Variants in PDE3B observed in about 807,000 individuals in gnomAD.
PDE3B encodes phosphodiesterase 3B.
A neutral mutation model predicts 116.8 loss-of-function variants in PDE3B; 66 were observed. That is an observed-to-expected ratio of 0.56 (90% confidence interval 0.46 to 0.69). The LOEUF is 0.69. PDE3B is among the 30% of genes least tolerant of loss of function. The pLI is 0.00. For missense variants in PDE3B, 1,384 were observed against 1,368.1 expected (o/e 1.01, Z -0.18); for synonymous variants, 595 against 533.6 (o/e 1.12, Z -1.59).
intron 1 of PDE3B, among the ~76,000 whole-genome samples, chr11:14,701,640 A>G (rs920719376): frequency 2.0e-5 from 3 of 151,690 alleles, no homozygotes; most frequent in African/African-American, 4.8e-5. Flanking sequence ...CAGTTTTCTT[A>G]TGATAATTGA....
chr11:14,822,003 C>T (rs1859528291), intron 7 of PDE3B, among the ~76,000 whole-genome samples: 1 of 151,420 alleles, frequency 6.6e-6, no homozygotes, highest in Non-Finnish European at 1.5e-5. Context: ...AACTCCTGGG[C>T]TCAAGCAATC....
At chr11:14,723,924 C>T (rs934056299) in intron 1 of PDE3B, among the ~76,000 whole-genome samples, 1 of 152,166 alleles carries the variant, frequency 6.6e-6, no homozygotes, top group Non-Finnish European at 1.5e-5. Context: ...CTAGCAAGGC[C>T]TTGGAAGGTG....
the PDE3B span, among the ~76,000 whole-genome samples, chr11:14,893,108 G>A: frequency 1.1e-4 from 16 of 152,230 alleles, no homozygotes; most frequent in Non-Finnish European, 1.9e-4. Context: ...ATTAGCTTAC[G>A]ACTCATTCAC....
intron 1 of PDE3B, among the ~76,000 whole-genome samples, chr11:14,690,168 G>A (rs777978950): frequency 2.0e-5 from 3 of 152,150 alleles, no homozygotes; most frequent in Admixed American, 6.5e-5. Flanking sequence ...TTAGAAGTAC[G>A]TGGTAGGATA....
At chr11:14,890,120 C>G in the PDE3B span, among the ~76,000 whole-genome samples, 210 of 152,076 alleles carry the variant, frequency 1.4e-3, no homozygotes, top group Non-Finnish European at 2.4e-3. Context: ...CAGAGCAAGA[C>G]TCGTCTCAAA....
intron 11 of PDE3B, among the ~76,000 whole-genome samples, chr11:14,837,658 T>C (rs1273818460): frequency 6.6e-6 from 1 of 152,238 alleles, no homozygotes; most frequent in African/African-American, 2.4e-5. Flanking sequence ...TAAGACAATA[T>C]ATGTTTTCTC....
At chr11:14,806,715 C>T (rs10832303) in intron 5 of PDE3B, among the ~76,000 whole-genome samples, 53,129 of 149,880 alleles carry the variant, frequency 0.35, 10,759 homozygotes, top group South Asian at 0.46. Context: ...AAAAATTAGC[C>T]GGGCGTAGTG....
rs137868823 is a variant in PDE3B, at chr11:14,687,290, G to A, written c.978+42237G>A. 2.9e-3 allele frequency among the ~76,000 whole-genome samples: 447 copies of A among 152,164 alleles called. 4 individuals are homozygous for A. The highest frequency in any genetic ancestry group is 1.0e-2 in the African/African-American group (414 of 41,528). On this transcript the variant is annotated intron_variant, in intron 1 of 15. Transcript: ENST00000282096. ...AAAGGCAGAAAAATTATTAAATTGT[G>A]ACTTCCTAAATGTCTACTTAAAAAC...
At chr11:14,771,576 A>G (rs1311668752) in intron 1 of PDE3B, among the ~76,000 whole-genome samples, 1 of 151,852 alleles carries the variant, frequency 6.6e-6, no homozygotes, top group African/African-American at 2.4e-5. Flanking sequence ...CCCATCACCC[A>G]TGATGAGCCT....
chr11:14,898,090 TC>T, the PDE3B span, among the ~76,000 whole-genome samples: 1,914 of 152,024 alleles, frequency 0.013, 42 homozygotes, highest in African/African-American at 0.044. Context: ...GGATAGTCTC[TC>T]CCATCAAGAC....
intron 1 of PDE3B, among the ~76,000 whole-genome samples, chr11:14,760,926 A>G (rs1239539479): frequency 6.6e-6 from 1 of 152,164 alleles, no homozygotes; most frequent in Non-Finnish European, 1.5e-5. Flanking sequence ...TGGGAACATT[A>G]CAGTTCTTCT....
In PDE3B at chr11:14,644,267, C is replaced by T. The variant is rs1271640483; in HGVS notation, c.192C>T (p.Ala64=). The change falls in exon 1 of 16, where the codon GCC becomes GCT. Residue 64 remains alanine, a synonymous_variant. Coordinates refer to ENST00000282096, the MANE Select transcript of PDE3B (RefSeq NM_000922.4). The part of the protein sequence containing the change: ...FCNVELRPPP[A]SPQQPRRCSP... ...ACGTGGAGCTGCGGCCGCCGCCGGC[C>T]TCTCCCCAGCAGCCGCGGCGCTGCT... 8 of 1,567,908 alleles carry T rather than the reference C, an allele frequency of 5.1e-6. No homozygotes were observed. The highest frequency in any genetic ancestry group is 6.0e-6 in the Non-Finnish European group (7 of 1,164,052).
At chr11:14,851,747 A>C (rs1847758744) in intron 12 of PDE3B, among the ~76,000 whole-genome samples, 1 of 152,132 alleles carries the variant, frequency 6.6e-6, no homozygotes, top group Non-Finnish European at 1.5e-5. Context: ...CCATTCTCTC[A>C]AACCTAGCAC....
chr11:14,656,815 A>T (rs1853727996), intron 1 of PDE3B, among the ~76,000 whole-genome samples: 1 of 152,198 alleles, frequency 6.6e-6, no homozygotes, highest in Non-Finnish European at 1.5e-5. Flanking sequence ...TTAATAGTTT[A>T]TGCCAAGTTT....
At chr11:14,672,638 G>A (rs770083954) in intron 1 of PDE3B, among the ~76,000 whole-genome samples, 1 of 152,090 alleles carries the variant, frequency 6.6e-6, no homozygotes, top group African/African-American at 2.4e-5. Flanking sequence ...GGTCTTTCAC[G>A]GGCTCCTTCC....
chr11:14,716,399 G>C (rs61883637), intron 1 of PDE3B, among the ~76,000 whole-genome samples: 1 of 150,474 alleles, frequency 6.6e-6, no homozygotes, highest in African/African-American at 2.4e-5. Context: ...CAGGAAGCTC[G>C]AACTGGGTGG....
At chr11:14,747,335 T>G (rs903978849) in intron 1 of PDE3B, among the ~76,000 whole-genome samples, 7 of 152,178 alleles carry the variant, frequency 4.6e-5, no homozygotes, top group Admixed American at 1.3e-4. Flanking sequence ...TGAATGATAC[T>G]TACAGAATCA....
At chr11:14,704,766 A>C (rs1855479406) in intron 1 of PDE3B, among the ~76,000 whole-genome samples, 1 of 151,734 alleles carries the variant, frequency 6.6e-6, no homozygotes, top group African/African-American at 2.4e-5. Context: ...AATGTGTCAT[A>C]GACCTAAATT....
chr11:14,790,694 A>G (rs1382197790), intron 4 of PDE3B, among the ~76,000 whole-genome samples: 1 of 152,136 alleles, frequency 6.6e-6, no homozygotes, highest in East Asian at 1.9e-4. Flanking sequence ...AACAAAATTT[A>G]TGCCTCATAA....
Sources: allele counts gnomAD v4.1 joint callset (sites outside exome capture counted in the v4.1 genomes callset), GRCh38; gene constraint gnomAD v4.1.1; transcripts MANE v1.5; gene names NCBI Gene and HGNC (gene_info 2026-07-23, HGNC 2026-07-21).